Variants in ZNF704 observed in about 807,000 individuals in gnomAD.
The protein encoded by ZNF704 is zinc finger protein 704, also known as glucocorticoid induced gene 1.
ZNF704 carries 10 observed loss-of-function variants against 44.7 expected under a neutral mutation model. The ratio of observed to expected loss-of-function variants is 0.22; its 90% CI spans 0.14 to 0.38. ZNF704 has a LOEUF of 0.38. Among genes scored for constraint, ZNF704 ranks in the 10% least tolerant of loss-of-function variants. The pLI is 1.00. For missense variants in ZNF704, 390 were observed against 545.5 expected (o/e 0.71, Z 2.84); for synonymous variants, 211 against 207.6 (o/e 1.02, Z -0.14).
At chr8:80,763,547 G>T (rs559017348) in intron 2 of ZNF704, among the ~76,000 whole-genome samples, 13 of 152,132 alleles carry the variant, frequency 8.5e-5, no homozygotes, top group Non-Finnish European at 1.5e-4. Flanking sequence ...CACACAGCAG[G>T]GGGTCCTGGA....
intron 7 of ZNF704, among the ~76,000 whole-genome samples, chr8:80,647,209 G>A (rs1216624034): frequency 6.6e-6 from 1 of 152,202 alleles, no homozygotes; most frequent in Non-Finnish European, 1.5e-5. Context: ...ATAAGTAGCT[G>A]ACAGAAATGA....
chr8:80,844,497 C>A (rs533580589), intron 1 of ZNF704, among the ~76,000 whole-genome samples: 1 of 152,132 alleles, frequency 6.6e-6, no homozygotes, highest in Non-Finnish European at 1.5e-5. Context: ...AATACCATCA[C>A]ACTGGAGATT....
intron 2 of ZNF704, among the ~76,000 whole-genome samples, chr8:80,803,607 G>A (rs1807938027): frequency 6.6e-6 from 1 of 152,166 alleles, no homozygotes; most frequent in Non-Finnish European, 1.5e-5. Context: ...TTAATAAATG[G>A]TGCTGGGAGA....
rs978199215 is a variant in ZNF704 at position 80,704,369 on chromosome 8, G to A, written c.222-11262C>T. Among the ~76,000 whole-genome samples, 5 of 152,190 alleles carry A rather than the reference G, an allele frequency of 3.3e-5. No individual in the cohort carries two copies. In the South Asian group the frequency reaches 8.3e-4, roughly 25 times the overall value. ...AAAGCCCTCTGTGTGCATGTTGAGT[G>A]CCTGTCATATTGTGAAATAGATATT... On this transcript the variant is annotated intron_variant, in intron 2 of 8. Coordinates refer to ENST00000327835, the MANE Select transcript of ZNF704 (RefSeq NM_001033723.3).
chr8:80,730,535 T>C (rs1469821167), intron 2 of ZNF704, among the ~76,000 whole-genome samples: 2 of 73,760 alleles, frequency 2.7e-5, no homozygotes, highest in Admixed American at 4.4e-4. Flanking sequence ...CAAGACTACA[T>C]CTTAAAAAAA....
chr8:80,810,252 T>C (rs1218731359), intron 2 of ZNF704, among the ~76,000 whole-genome samples: 1 of 152,184 alleles, frequency 6.6e-6, no homozygotes, highest in Non-Finnish European at 1.5e-5. Flanking sequence ...ATTCTAAAAG[T>C]ATTCCAAGTT....
rs970388498 is a variant in ZNF704, at chr8:80,636,923, C to T, written c.*4443G>A. On this transcript the variant is annotated 3_prime_UTR_variant, in exon 9 of 9. Coordinates refer to ENST00000327835, the MANE Select transcript of ZNF704 (RefSeq NM_001033723.3). The stretch of plus-strand genomic sequence containing the variant: ...ATCGTTCACGGCTTGCTTTCGCCTA[C>T]GGAATTCTGCTGATAGCTAATAAAC... The T allele has an allele frequency of 3.3e-5, 5 of 152,198 alleles. No individual in the cohort carries two copies. The highest frequency in any genetic ancestry group is 7.3e-5 in the Non-Finnish European group (5 of 68,038). 9.4% of individuals were successfully genotyped at this position (152,198 alleles called of 1,614,324 possible). A position where few individuals can be genotyped will look rare whatever the true frequency, so the allele number is the denominator to read the frequency against.
At chr8:80,794,372 TA>T (rs374810999) in intron 2 of ZNF704, among the ~76,000 whole-genome samples, 1 of 152,134 alleles carries the variant, frequency 6.6e-6, no homozygotes, top group Non-Finnish European at 1.5e-5. Flanking sequence ...ATCAATGATG[TA>T]AAAAGAGCAA....
At chr8:80,859,717 C>T (rs1809026563) in intron 1 of ZNF704, among the ~76,000 whole-genome samples, 1 of 152,116 alleles carries the variant, frequency 6.6e-6, no homozygotes, top group Admixed American at 6.5e-5. Flanking sequence ...AGCAGCGACT[C>T]CAGGTCTGTA....
chr8:80,743,224 TTAAAA>T (rs1806792507), intron 2 of ZNF704, among the ~76,000 whole-genome samples: 1 of 145,762 alleles, frequency 6.9e-6, no homozygotes, highest in Non-Finnish European at 1.5e-5. Context: ...AAATCTCCTA[TTAAAA>T]TAAAAAAAAA....
intron 1 of ZNF704, among the ~76,000 whole-genome samples, chr8:80,854,854 T>A (rs1808930864): frequency 6.6e-6 from 1 of 152,250 alleles, no homozygotes; most frequent in Non-Finnish European, 1.5e-5. Flanking sequence ...GTTTGACTAT[T>A]ATTTTTAATT....
In ZNF704 at chr8:80,763,135, G is replaced by C. The variant is rs561311563; in HGVS notation, c.221+58239C>G. 1.1e-4 allele frequency among the ~76,000 whole-genome samples: 16 copies of C among 152,336 alleles called. No individual in the cohort carries two copies. The East Asian group carries it at 3.1e-3, about 29-fold the overall frequency. On this transcript the variant is annotated intron_variant, in intron 2 of 8. Coordinates refer to ENST00000327835, the MANE Select transcript of ZNF704 (RefSeq NM_001033723.3). Reference sequence around the variant, plus strand: ...TGTCTGCAGCTTTTCTAGGTGCACGGTGCCAGCTGTTGGTGGATCTACCAT... The same window carrying C: ...TGTCTGCAGCTTTTCTAGGTGCACGCTGCCAGCTGTTGGTGGATCTACCAT...
intron 1 of ZNF704, among the ~76,000 whole-genome samples, chr8:80,864,107 G>A (rs865863458): frequency 1.3e-5 from 2 of 152,090 alleles, no homozygotes; most frequent in South Asian, 4.2e-4. Flanking sequence ...ATTTACCACA[G>A]GAAATACTTC....
At chr8:80,679,236 T>C (rs1295603359) in intron 4 of ZNF704, among the ~76,000 whole-genome samples, 1 of 152,206 alleles carries the variant, frequency 6.6e-6, no homozygotes, top group Non-Finnish European at 1.5e-5. Flanking sequence ...GCCAAAGACA[T>C]TCTTGCAGCA....
intron 7 of ZNF704, among the ~76,000 whole-genome samples, chr8:80,655,936 T>C (rs1239764756): frequency 6.6e-6 from 1 of 152,182 alleles, no homozygotes; most frequent in Non-Finnish European, 1.5e-5. Context: ...GTTGACTAGC[T>C]TATACTTGCT....
intron 2 of ZNF704, among the ~76,000 whole-genome samples, chr8:80,698,184 C>T (rs940923767): frequency 5.9e-5 from 9 of 152,200 alleles, no homozygotes; most frequent in Admixed American, 2.6e-4. Context: ...TCTTCAGCTG[C>T]GGTCTATTGG....
chr8:80,797,633 C>T (rs944228680), intron 2 of ZNF704, among the ~76,000 whole-genome samples: 6 of 152,060 alleles, frequency 3.9e-5, no homozygotes, highest in Non-Finnish European at 7.4e-5. Flanking sequence ...CCTGCAAGGA[C>T]CCTGGGCAGG....
chr8:80,666,090 A>C (rs1818188537), intron 5 of ZNF704, among the ~76,000 whole-genome samples: 2 of 150,840 alleles, frequency 1.3e-5, no homozygotes, highest in Admixed American at 1.3e-4. Context: ...CATTAGGTAT[A>C]TCTCCCAACG....
chr8:80,829,478 T>G (rs1586058840), intron 1 of ZNF704, among the ~76,000 whole-genome samples: 1 of 152,318 alleles, frequency 6.6e-6, no homozygotes, highest in South Asian at 2.1e-4. Flanking sequence ...GTCTTCACAG[T>G]ATTAAGTTGA....
Sources: allele counts gnomAD v4.1 joint callset (sites outside exome capture counted in the v4.1 genomes callset), GRCh38; gene constraint gnomAD v4.1.1; transcripts MANE v1.5; gene names NCBI Gene and HGNC (gene_info 2026-07-23, HGNC 2026-07-21).